The following BRWD1 variants were observed in gnomAD, a reference collection of about 807,000 sequenced individuals.
BRWD1 encodes the protein bromodomain and WD repeat-containing protein 1.
Under a neutral mutation model 251.2 loss-of-function variants are expected in BRWD1, and 82 were observed. The observed-to-expected ratio is 0.33, with a 90% CI of 0.27 to 0.39. The LOEUF is 0.39. Among genes scored for constraint, BRWD1 ranks in the 10% least tolerant of loss-of-function variants. The probability of loss-of-function intolerance (pLI) is 1.00; values close to 1 mark genes in which losing one functional copy is unlikely to be tolerated. For missense variants in BRWD1, 2,233 were observed against 2,711.6 expected (o/e 0.82, Z 3.92); for synonymous variants, 918 against 902.8 (o/e 1.02, Z -0.30).
In BRWD1 at chr21:39,212,646, A is replaced by C; in HGVS notation, c.3900+20T>G. 4 of 1,526,996 alleles carry C rather than the reference A, an allele frequency of 2.6e-6. No homozygotes were observed. The highest frequency in any genetic ancestry group is 3.6e-6 in the Non-Finnish European group (4 of 1,117,214). 94.6% of individuals were successfully genotyped at this position (1,526,996 alleles called of 1,614,324 possible). Reference sequence around the variant, plus strand: ...CAAAGAAAAAGAAACTACAAAAGTCAACCATGCAGAGTAACTTACTCTCCT... The same window carrying C: ...CAAAGAAAAAGAAACTACAAAAGTCCACCATGCAGAGTAACTTACTCTCCT... On this transcript the variant is annotated intron_variant, in intron 34 of 40. Transcript: ENST00000342449.
At chr21:39,212,259 C>A (rs973272128) in intron 34 of BRWD1, among the ~76,000 whole-genome samples, 1 of 152,048 alleles carries the variant, frequency 6.6e-6, no homozygotes, top group Non-Finnish European at 1.5e-5. Context: ...TCAATTGATT[C>A]TCTACTTTAA....
rs759042176 is a variant in BRWD1, at chr21:39,200,253, C to T, written c.4719G>A (p.Arg1573=). Residue 1573 remains arginine (R), a synonymous_variant, in exon 39 of 41, where the codon AGG becomes AGA. Coordinates refer to ENST00000342449, the MANE Select transcript of BRWD1 (RefSeq NM_033656.4). The part of the protein sequence containing the change: ...RSGLSRSSNL[R]VTRTRAAQRK... ...TTTGAGCAGCTCTAGTTCTGGTTAC[C>T]CTGAGATTGCTGCTTCTGGATAGCC... is the stretch of plus-strand genomic sequence containing the variant. 3.7e-6 allele frequency: 6 copies of T among 1,613,638 alleles called. No homozygotes were observed. The highest frequency in any genetic ancestry group is 5.1e-6 in the Non-Finnish European group (6 of 1,179,880).
chr21:39,314,316 C>T (rs960713327), upstream of BRWD1: 2 of 455,812 alleles, frequency 4.4e-6, no homozygotes, highest in Non-Finnish European at 8.8e-6. Flanking sequence ...GCCAGCAGCC[C>T]GGCAGAAAAT....
intron 21 of BRWD1, among the ~76,000 whole-genome samples, chr21:39,246,485 A>G (rs918390566): frequency 6.6e-6 from 1 of 152,226 alleles, no homozygotes; most frequent in Non-Finnish European, 1.5e-5. Context: ...AACTTGCCAT[A>G]CGACCCAGCA....
intron 8 of BRWD1, among the ~76,000 whole-genome samples, chr21:39,283,719 G>A (rs934107455): frequency 5.9e-5 from 9 of 151,980 alleles, no homozygotes; most frequent in African/African-American, 2.2e-4. Flanking sequence ...TTAACTTCTG[G>A]GGGCTTCCTT....
At chr21:39,266,263 T>A (rs1192323679) in intron 15 of BRWD1, among the ~76,000 whole-genome samples, 1 of 117,530 alleles carries the variant, frequency 8.5e-6, no homozygotes, top group African/African-American at 3.5e-5. Flanking sequence ...GCATATTAAT[T>A]CATATTCTCT....
At chr21:39,289,882 G>A (rs143344513) in intron 8 of BRWD1, among the ~76,000 whole-genome samples, 2,363 of 151,878 alleles carry the variant, frequency 0.016, 56 homozygotes, top group African/African-American at 0.053. Context: ...AAAATTAGCC[G>A]GACGTGGTGG....
chr21:39,284,652 T>C lies in BRWD1; in HGVS notation c.832-4404A>G, dbSNP rs137855734. Among the ~76,000 whole-genome samples, 463 of 152,360 alleles carry C rather than the reference T, an allele frequency of 3.0e-3. 1 individual carries two copies. Among genetic ancestry groups the C allele is most frequent in the African/African-American group, 0.01 (416 of 41,596 alleles). ...GGTGAGGTAGTATCTCACTGTGGTT[T>C]TGATTTGCATTTTCCTGATAATTAG... On this transcript the variant is annotated intron_variant, in intron 8 of 40. Transcript: ENST00000342449.
rs538768773 is a variant in BRWD1 at position 39,245,328 on chromosome 21, G to A, written c.2481+2373C>T. ...GTATTAGGCACTATTTAAACACATT[G>A]CATTACTGATTAAATTAATTCTCAC... On this transcript the variant is annotated intron_variant, in intron 21 of 40. Coordinates refer to ENST00000342449, the MANE Select transcript of BRWD1 (RefSeq NM_033656.4). Among the ~76,000 whole-genome samples, 4 of 152,254 alleles carry A rather than the reference G, an allele frequency of 2.6e-5. No homozygotes were observed. In the South Asian group the frequency reaches 8.3e-4, roughly 32 times the overall value.
intron 9 of BRWD1, 39 bp downstream of exon 9, chr21:39,280,109 T>C (rs768938304): frequency 3.5e-5 from 50 of 1,426,778 alleles, no homozygotes; most frequent in Admixed American, 1.3e-4. Context: ...TGTAACTACA[T>C]TAAAAAACAA....
At chr21:39,270,549 C>G in intron 13 of BRWD1, 116 bp from the exon 14 acceptor site, 2 of 852,820 alleles carry the variant, frequency 2.3e-6, no homozygotes, top group Non-Finnish European at 3.4e-6. Flanking sequence ...TCTTATCAAC[C>G]CTACAGTGAG....
chr21:39,251,786 G>C (rs780094904), intron 19 of BRWD1, among the ~76,000 whole-genome samples: 14 of 152,148 alleles, frequency 9.2e-5, no homozygotes, highest in Non-Finnish European at 1.8e-4. Flanking sequence ...GCAGCCAAAT[G>C]AAAGTCCCAC....
At chr21:39,312,780 A>G in intron 4 of BRWD1, 61 bp downstream of exon 4, 1 of 1,385,018 alleles carries the variant, frequency 7.2e-7, no homozygotes, top group East Asian at 2.6e-5. Flanking sequence ...CGCGAGGGGA[A>G]GGGGCGGGGG....
chr21:39,252,245 G>A (rs28397992), intron 19 of BRWD1, among the ~76,000 whole-genome samples: 15,145 of 109,636 alleles, frequency 0.14, 913 homozygotes, highest in East Asian at 0.18. Context: ...GCAGAACTCC[G>A]TCTCAAAAAA....
At chr21:39,312,675 T>C in intron 4 of BRWD1, 166 bp downstream of exon 4, 2 of 441,638 alleles carry the variant, frequency 4.5e-6, no homozygotes, top group Non-Finnish European at 8.2e-6. Flanking sequence ...CCTGGCCGCC[T>C]CAAAAACAAA....
chr21:39,252,527 C>A (rs1338125944), intron 19 of BRWD1, among the ~76,000 whole-genome samples: 2 of 152,154 alleles, frequency 1.3e-5, no homozygotes, highest in Non-Finnish European at 2.9e-5. Context: ...GAAAAATTCA[C>A]CCTTGTTTCC....
At chr21:39,220,083 A>G (rs1338002307) in intron 29 of BRWD1, among the ~76,000 whole-genome samples, 1 of 128,998 alleles carries the variant, frequency 7.8e-6, no homozygotes, top group Non-Finnish European at 1.6e-5. Context: ...TCACATCTAT[A>G]CCACCTAAAA....
Position 39,191,551 on chromosome 21 carries a change from A to C in BRWD1, c.*4708T>G. ...AAGTGGAAAACTAAAGATCTGCTTG[A>C]CAGGCTCATGTAATTTTTTGATTGG... is the stretch of plus-strand genomic sequence containing the variant. On this transcript the variant is annotated 3_prime_UTR_variant, in exon 41 of 41. Coordinates refer to ENST00000342449, the MANE Select transcript of BRWD1 (RefSeq NM_033656.4). 1 of 983,238 alleles carries C rather than the reference A, an allele frequency of 1.0e-6. No individual in the cohort carries two copies. The highest frequency in any genetic ancestry group is 1.2e-6 in the Non-Finnish European group (1 of 827,970). The allele number at this position is 983,238 out of a possible 1,614,324, so 60.9% of individuals were successfully genotyped here. A position where few individuals can be genotyped will look rare whatever the true frequency, so the allele number is the denominator to read the frequency against.
At chr21:39,273,838 G>A (rs2035196047) in intron 13 of BRWD1, among the ~76,000 whole-genome samples, 1 of 152,280 alleles carries the variant, frequency 6.6e-6, no homozygotes, top group Non-Finnish European at 1.5e-5. Flanking sequence ...ATATGAAAAA[G>A]TGCAAAGTTA....
Sources: allele counts gnomAD v4.1 joint callset (sites outside exome capture counted in the v4.1 genomes callset), GRCh38; gene constraint gnomAD v4.1.1; transcripts MANE v1.5; gene names NCBI Gene and HGNC (gene_info 2026-07-23, HGNC 2026-07-21).